Variants in CIAPIN1 observed in about 807,000 individuals in gnomAD.
The protein encoded by CIAPIN1 is cytokine induced apoptosis inhibitor 1, also known as anamorsin.
In CIAPIN1, 18 loss-of-function variants were observed where a neutral mutation model predicts 34.3. The ratio of observed to expected loss-of-function variants is 0.52; its 90% CI spans 0.36 to 0.78. The LOEUF (loss-of-function observed/expected upper bound fraction) is 0.78. Ranked by LOEUF, CIAPIN1 falls within the 30% of genes least tolerant of loss-of-function variation. The pLI, the probability that CIAPIN1 is intolerant of heterozygous loss-of-function variation, is 0.00. For missense variants in CIAPIN1, 310 were observed against 372.5 expected, an observed-to-expected ratio of 0.83 and a Z score of 1.38; for synonymous variants, 131 against 140.4, an observed-to-expected ratio of 0.93 and a Z score of 0.47.
Position 57,445,846 on chromosome 16 carries a change from T to G in CIAPIN1, c.-56+1496A>C, listed in dbSNP as rs969624990. 5.2e-5 allele frequency among the ~76,000 whole-genome samples: 7 copies of G among 133,836 alleles called. No individual in the cohort carries two copies. In the South Asian group the frequency reaches 7.7e-4, roughly 15 times the overall value. The allele number at this position is 133,836 out of a possible 152,430, so 87.8% of individuals were successfully genotyped here. ...TAAGACCTTAGAGGTTTTTTTTTTT[T>G]TTTTTTTTTTTTTTTTTTTGGCAGA... On this transcript the variant is annotated intron_variant, in intron 1 of 8. Coordinates refer to ENST00000394391, the MANE Select transcript of CIAPIN1 (RefSeq NM_020313.4).
intron 2 of CIAPIN1, among the ~76,000 whole-genome samples, chr16:57,439,999 C>A (rs1903291528): frequency 6.6e-6 from 1 of 152,216 alleles, no homozygotes; most frequent in African/African-American, 2.4e-5. Context: ...CGGAACAGAG[C>A]CATATTTCTC....
chr16:57,436,237 G>A (rs1903196125), intron 4 of CIAPIN1, among the ~76,000 whole-genome samples: 1 of 151,784 alleles, frequency 6.6e-6, no homozygotes, highest in Admixed American at 6.6e-5. Flanking sequence ...GTTTTGTTTT[G>A]TTTTTTTTGA....
intron 1 of CIAPIN1, among the ~76,000 whole-genome samples, chr16:57,444,005 C>T (rs2146574444): frequency 6.6e-6 from 1 of 152,218 alleles, no homozygotes; most frequent in South Asian, 2.1e-4. Flanking sequence ...TGAAAAAGAC[C>T]CCACCTACTA....
At chr16:57,439,085 T>C in intron 3 of CIAPIN1, 97 bp downstream of exon 3, 1 of 1,206,890 alleles carries the variant, frequency 8.3e-7, no homozygotes, top group Non-Finnish European at 1.2e-6. Flanking sequence ...ACAGGAATAC[T>C]GATCTCCCAA....
chr16:57,440,682 TG>T, intron 2 of CIAPIN1, 89 bp downstream of exon 2: 1 of 1,434,482 alleles, frequency 7.0e-7, no homozygotes, highest in Non-Finnish European at 9.4e-7. Context: ...CCACCCTAAA[TG>T]AAAACTCAGA....
intron 3 of CIAPIN1, among the ~76,000 whole-genome samples, chr16:57,437,422 A>G (rs927899825): frequency 6.6e-6 from 1 of 152,132 alleles, no homozygotes; most frequent in South Asian, 2.1e-4. Context: ...GGTTAGATGA[A>G]TTACATGCAT....
intron 3 of CIAPIN1, among the ~76,000 whole-genome samples, chr16:57,437,059 G>A (rs1371088922): frequency 2.6e-5 from 4 of 152,114 alleles, no homozygotes; most frequent in African/African-American, 7.2e-5. Context: ...CCTGGGAGGC[G>A]GAGGTTGCAG....
intron 1 of CIAPIN1, among the ~76,000 whole-genome samples, chr16:57,446,066 G>A (rs1388388080): frequency 6.6e-6 from 1 of 151,902 alleles, no homozygotes; most frequent in Non-Finnish European, 1.5e-5. Context: ...GGCTGGTCTC[G>A]AACTCCTGAG....
Position 57,440,760 on chromosome 16 carries a change from G to A in CIAPIN1, c.157+12C>T, listed in dbSNP as rs1324292402. 4.4e-6 allele frequency: 7 copies of A among 1,607,464 alleles called. No homozygotes were observed. The highest frequency in any genetic ancestry group is 6.0e-6 in the Non-Finnish European group (7 of 1,176,010). On this transcript the variant is annotated intron_variant, in intron 2 of 8. Transcript: ENST00000394391. The stretch of plus-strand genomic sequence containing the variant: ...CTCCAGCCTCATAAAGACAACGTGG[G>A]TGGGTACTTACATTGCAACAGCTGC...
At chr16:57,432,352 A>G in intron 6 of CIAPIN1, 135 bp downstream of exon 6, 1 of 638,042 alleles carries the variant, frequency 1.6e-6, no homozygotes, top group South Asian at 2.5e-5. Context: ...TCTAAATCAA[A>G]GATGTGACAG....
At chr16:57,441,611 T>A (rs77074111) in intron 1 of CIAPIN1, among the ~76,000 whole-genome samples, 2,622 of 152,322 alleles carry the variant, frequency 0.017, 86 homozygotes, top group African/African-American at 0.06. Flanking sequence ...CATTTTACAG[T>A]CTGGAAACTG....
rs368064049 is a variant in CIAPIN1, at chr16:57,439,277, G to T, written c.215C>A (p.Thr72Asn). The stretch of plus-strand genomic sequence containing the variant: ...CAAAATCTCAGCACTGTGCAGAGTG[G>T]TGCTTCCTGGGACTAAACCTGACAA... ...IILSGLVPGS[T>N]TLHSAEILAE... Residue 72 changes from threonine (T) to asparagine (N), a missense_variant, in exon 3 of 9, where the codon ACC (threonine) becomes AAC (asparagine). Coordinates refer to ENST00000394391, the MANE Select transcript of CIAPIN1 (RefSeq NM_020313.4). The T allele has an allele frequency of 6.2e-7, 1 of 1,614,144 alleles. No homozygotes were observed.
chr16:57,438,446 T>A (rs1049303060), intron 3 of CIAPIN1, among the ~76,000 whole-genome samples: 4 of 152,198 alleles, frequency 2.6e-5, no homozygotes, highest in Admixed American at 6.5e-5. Flanking sequence ...TTCTGTATAT[T>A]AAGGAGGTCT....
intron 4 of CIAPIN1, 51 bp downstream of exon 4, chr16:57,436,605 T>C (rs1304938402): frequency 7.3e-7 from 1 of 1,363,736 alleles, no homozygotes. Flanking sequence ...TTCTAAGCAA[T>C]ACTGATTACC....
At chr16:57,432,827 C>A (rs1184443782) in intron 5 of CIAPIN1, among the ~76,000 whole-genome samples, 1 of 152,202 alleles carries the variant, frequency 6.6e-6, no homozygotes, top group African/African-American at 2.4e-5. Context: ...TAACTTAATT[C>A]TGCTGACAAC....
Position 57,429,246 on chromosome 16 carries a change from C to A in CIAPIN1, c.863G>T (p.Cys288Phe). 1 of 1,613,978 alleles carries A rather than the reference C, an allele frequency of 6.2e-7. No individual in the cohort carries two copies. Among genetic ancestry groups the A allele is most frequent in the Non-Finnish European group, 8.5e-7 (1 of 1,179,982 alleles). The change falls in exon 9 of 9, where the codon TGC (cysteine) becomes TTC (phenylalanine). Residue 288 changes from cysteine (C) to phenylalanine (F), a missense_variant. Cys to Phe is a radical substitution (Grantham distance 205). Coordinates refer to ENST00000394391, the MANE Select transcript of CIAPIN1 (RefSeq NM_020313.4). ...YLGDAFRCASCPYLGMPAFKP... is the reference protein window; with the variant it reads ...YLGDAFRCASFPYLGMPAFKP... Reference sequence around the variant, plus strand: ...GAAGGCTGGCATCCCAAGGTAGGGGCAGCTGGCACAGCGGAAGGCATCGCC... The same window carrying A: ...GAAGGCTGGCATCCCAAGGTAGGGGAAGCTGGCACAGCGGAAGGCATCGCC...
chr16:57,436,187 G>A (rs867464299), intron 4 of CIAPIN1, among the ~76,000 whole-genome samples: 4 of 152,202 alleles, frequency 2.6e-5, no homozygotes, highest in Non-Finnish European at 5.9e-5. Context: ...GGGCCAAGCT[G>A]AGTCTCTTTG....
intron 5 of CIAPIN1, chr16:57,433,546 T>TGTGTGC (rs1555513065): frequency 1.1e-5 from 2 of 181,384 alleles, no homozygotes; most frequent in Admixed American, 5.5e-5. Flanking sequence ...TGTGTGTGCG[T>TGTGTGC]GCGCGTGCGT....
chr16:57,434,087 AG>A lies in CIAPIN1; in HGVS notation c.512del (p.Ser171LeufsTer16). ...TGGTGATGGAAAGCTTAAGCTGCCT[AG>A]AAGAACCCACTTCAAAGTTTGGTTT... ...GKKPNFEVGS[S>X]RQLKLSITKK... On this transcript the variant is annotated frameshift_variant, in exon 5 of 9. Coordinates refer to ENST00000394391, the MANE Select transcript of CIAPIN1 (RefSeq NM_020313.4). LOFTEE classifies it high-confidence loss of function. The A allele has an allele frequency of 6.2e-7, 1 of 1,614,190 alleles. No individual in the cohort carries two copies. Among genetic ancestry groups the A allele is most frequent in the South Asian group, 1.1e-5 (1 of 91,080 alleles).
Sources: gnomAD v4.1 joint callset for allele counts (sites outside exome capture counted in the v4.1 genomes callset) on GRCh38, gnomAD v4.1.1 for gene constraint, MANE v1.5 for transcripts, NCBI Gene and HGNC (gene_info 2026-07-23, HGNC 2026-07-21) for gene names.